The following NOTCH1 variants were observed in gnomAD, a reference collection of about 807,000 sequenced individuals.
NOTCH1 encodes neurogenic locus notch homolog protein 1.
Under a neutral mutation model 254.8 loss-of-function variants are expected in NOTCH1, and 37 were observed. The ratio of observed to expected loss-of-function variants is 0.15; its 90% CI spans 0.11 to 0.19. The LOEUF is 0.19. Ranked by LOEUF, NOTCH1 falls within the 10% of genes least tolerant of loss-of-function variation. The probability of loss-of-function intolerance (pLI) is 1.00; values close to 1 mark genes in which losing one functional copy is unlikely to be tolerated. For missense variants in NOTCH1, 2,972 were observed against 3,708.6 expected, an observed-to-expected ratio of 0.80 and a Z score of 5.16; for synonymous variants, 1,731 against 1,618.1, an observed-to-expected ratio of 1.07 and a Z score of -1.68.
In NOTCH1 at chr9:136,502,867, T is replaced by C. The variant is rs1843022371; in HGVS notation, c.5167+315A>G. 4.5e-5 allele frequency: 27 copies of C among 594,654 alleles called. No homozygotes were observed. The South Asian group carries it at 4.8e-4, about 11-fold the overall frequency. 36.8% of individuals were successfully genotyped at this position (594,654 alleles called of 1,614,324 possible). On this transcript the variant is annotated intron_variant, in intron 27 of 33. Coordinates refer to ENST00000651671, the MANE Select transcript of NOTCH1 (RefSeq NM_017617.5). ...CAATTCTTCTCTCTCTCTCTTTTTT[T>C]TTCTTTAAAAAAAGCCGTAATGATT...
In NOTCH1 at chr9:136,499,097, C is replaced by T. The variant is rs2133322412; in HGVS notation, c.6082+15G>A. ...CCCGCCCCACGACAGAGCAGCCGTG[C>T]CCCCGTGGGCTCACCCAGGTCATCT... On this transcript the variant is annotated intron_variant, in intron 32 of 33. Coordinates refer to ENST00000651671, the MANE Select transcript of NOTCH1 (RefSeq NM_017617.5). The T allele has an allele frequency of 1.9e-6, 3 of 1,612,882 alleles. No individual in the cohort carries two copies. The highest frequency in any genetic ancestry group is 2.2e-5 in the South Asian group (2 of 91,090).
chr9:136,514,913 G>A (rs1843238637), intron 12 of NOTCH1, among the ~76,000 whole-genome samples: 2 of 152,234 alleles, frequency 1.3e-5, no homozygotes, highest in African/African-American at 2.4e-5. Flanking sequence ...GGCCCCAGGG[G>A]CAGGGGCTAC....
intron 26 of NOTCH1, among the ~76,000 whole-genome samples, chr9:136,503,628 T>A (rs992595891): frequency 6.6e-6 from 1 of 152,096 alleles, no homozygotes; most frequent in African/African-American, 2.4e-5. Flanking sequence ...CGTTTCCTCA[T>A]CTCAGGACAG....
At chr9:136,541,244 A>T (rs1843728295) in intron 2 of NOTCH1, among the ~76,000 whole-genome samples, 1 of 152,128 alleles carries the variant, frequency 6.6e-6, no homozygotes, top group Admixed American at 6.5e-5. Context: ...CCTCCTGGGA[A>T]GGCATTTTGC....
chr9:136,507,230 G>A (rs1042843974), intron 22 of NOTCH1, 75 bp downstream of exon 22: 82 of 1,606,918 alleles, frequency 5.1e-5, no homozygotes, highest in Admixed American at 2.3e-4. Flanking sequence ...GCCTCTGGCC[G>A]GTCCCGGGGT....
At chr9:136,498,870 C>T (rs1842954996) in intron 33 of NOTCH1, 29 bp downstream of exon 33, 3 of 1,611,478 alleles carry the variant, frequency 1.9e-6, no homozygotes, top group East Asian at 4.5e-5. Flanking sequence ...GCCCTCACGT[C>T]TCCCCTGGCA....
rs376464587 is a variant in NOTCH1, at chr9:136,517,840, G to A, written c.1353C>T (p.Ile451=). The change falls in exon 8 of 34, where the codon ATC becomes ATT. Residue 451 remains isoleucine (I), a synonymous_variant. Transcript: ENST00000651671. ...GGTTCGAGACGCACTCGTTGACGTC[G>A]ATCTCGCATCGGGGGCCCGTGTAGC... ...LQGYTGPRCE[I]DVNECVSNPC... 44 of 1,612,576 alleles carry A rather than the reference G, an allele frequency of 2.7e-5. No homozygotes were observed. Among genetic ancestry groups the A allele is most frequent in the Non-Finnish European group, 3.4e-5 (40 of 1,179,952 alleles).
At position 136,505,848 on chromosome 9, in the gene NOTCH1, G is replaced by A. The variant is rs1419950789; in HGVS notation, c.4048C>T (p.Arg1350Cys). ...AGGCAGCGCAGGCTGCCGCAGGTAC[G>A]AGCGTCATTCTCACACGTGGCGCCC... is the stretch of plus-strand genomic sequence containing the variant. ...FEGATCENDA[R>C]TCGSLRCLNG... Residue 1350 changes from arginine to cysteine, a missense_variant, in exon 25 of 34, where the codon CGT (arginine) becomes TGT (cysteine). Coordinates refer to ENST00000651671, the MANE Select transcript of NOTCH1 (RefSeq NM_017617.5). The A allele has an allele frequency of 1.3e-6, 2 of 1,595,146 alleles. No homozygotes were observed. The highest frequency in any genetic ancestry group is 1.7e-6 in the Non-Finnish European group (2 of 1,177,902).
intron 2 of NOTCH1, among the ~76,000 whole-genome samples, chr9:136,533,901 C>T (rs992036533): frequency 1.3e-5 from 2 of 152,222 alleles, no homozygotes; most frequent in East Asian, 1.9e-4. Flanking sequence ...TGATGAGGCA[C>T]GAACGCATCT....
Position 136,523,791 on chromosome 9 carries a change from G to A in NOTCH1, c.329C>T (p.Pro110Leu), listed in dbSNP as rs1333041588. Residue 110 changes from proline to leucine, a missense_variant, in exon 3 of 34, where the codon CCC becomes CTC. Physicochemically the swap from Pro to Leu is moderately conservative, Grantham distance 98. Around this residue, in one of 8 missense-constraint regions of NOTCH1, gnomAD observed 374 missense variants for 496.3 expected, o/e 0.75. Transcript: ENST00000651671. ...GTCGCAGGTGCCCCCGTTGCGGCAG[G>A]GGTTGGTGAGGCAGGCATTGTCCAG... ...TPLDNACLTN[P>L]CRNGGTCDLL... 1.2e-6 allele frequency: 2 copies of A among 1,611,834 alleles called. No homozygotes were observed. The highest frequency in any genetic ancestry group is 4.5e-5 in the East Asian group (2 of 44,850).
intron 17 of NOTCH1, among the ~76,000 whole-genome samples, chr9:136,510,323 G>A (rs920825910): frequency 1.3e-5 from 2 of 152,228 alleles, no homozygotes; most frequent in African/African-American, 4.8e-5. Flanking sequence ...AAGCAGGGCT[G>A]GGAGGCCTGA....
intron 21 of NOTCH1, among the ~76,000 whole-genome samples, chr9:136,507,648 G>T (rs1006816875): frequency 1.3e-5 from 2 of 152,192 alleles, no homozygotes; most frequent in Non-Finnish European, 1.5e-5. Flanking sequence ...CCTGTTGGGG[G>T]TGGGTGGACC....
chr9:136,506,532 G>A lies in NOTCH1; in HGVS notation c.4009C>T (p.Pro1337Ser), dbSNP rs1843087862. ...CCCTGCACCCCTGCACCTACCGCAG[G>A]GCACTTGCAGATGAACCCGCGGGCG... Reference protein sequence around the residue: ...NTARGFICKCPAGFEGATCEN... With the variant: ...NTARGFICKCSAGFEGATCEN... Residue 1337 changes from proline to serine, a missense_variant, in exon 24 of 34, where the codon CCT (proline) becomes TCT (serine). By Grantham distance (74) the Pro-to-Ser change is moderately conservative. Around this residue, in one of 8 missense-constraint regions of NOTCH1, gnomAD observed 1,343 missense variants for 1,557.0 expected, o/e 0.86. Coordinates refer to ENST00000651671, the MANE Select transcript of NOTCH1 (RefSeq NM_017617.5). The surrounding 1 kb of genome is among the most constrained non-coding windows in gnomAD (Gnocchi z 4.5). 1.3e-6 allele frequency: 2 copies of A among 1,598,866 alleles called. No individual in the cohort carries two copies. The highest frequency in any genetic ancestry group is 1.7e-6 in the Non-Finnish European group (2 of 1,174,348).
Position 136,518,757 on chromosome 9 carries a change from G to C in NOTCH1, c.933C>G (p.Thr311=). ...TGTAGCCACCGTGGGTGTTGTGGCA[G>C]GTCCCGCCGTTCTGGCAGGCATTTG... The part of the protein sequence containing the change: ...LMPNACQNGG[T]CHNTHGGYNC... The change falls in exon 6 of 34, where the codon ACC becomes ACG. Residue 311 remains threonine, a synonymous_variant. Transcript: ENST00000651671. 1 of 1,609,616 alleles carries C rather than the reference G, an allele frequency of 6.2e-7. No individual in the cohort carries two copies.
chr9:136,508,525 C>A lies in NOTCH1; in HGVS notation c.3172-140G>T, dbSNP rs553800209. 9.1e-5 allele frequency: 107 copies of A among 1,181,694 alleles called. 1 individual carries two copies. In the South Asian group the frequency reaches 1.3e-3, roughly 14 times the overall value. The allele number at this position is 1,181,694 out of a possible 1,614,324, so 73.2% of individuals were successfully genotyped here. A position where few individuals can be genotyped will look rare whatever the true frequency, so the allele number is the denominator to read the frequency against. ...AAGTGGAAACTGCCGCCCCTGGACT[C>A]CCCACCACCCCCACACCAGGAACAG... On this transcript the variant is annotated intron_variant, in intron 19 of 33. Coordinates refer to ENST00000651671, the MANE Select transcript of NOTCH1 (RefSeq NM_017617.5).
chr9:136,496,383 C>A lies in NOTCH1; in HGVS notation c.7356G>T (p.Ala2452=), dbSNP rs781520893. 1.0e-5 allele frequency: 16 copies of A among 1,596,068 alleles called. No homozygotes were observed. In the African/African-American group the frequency reaches 2.1e-4, roughly 21 times the overall value. ...TCTCCTGGGGCAGAATAGTGTGCAC[C>A]GCCAGGCTGCTGGGGCCCAGTGGCT... ...DVQPLGPSSL[A]VHTILPQESP... Residue 2452 remains alanine (A), a synonymous_variant, in exon 34 of 34, where the codon GCG becomes GCT. Coordinates refer to ENST00000651671, the MANE Select transcript of NOTCH1 (RefSeq NM_017617.5).
At position 136,545,702 on chromosome 9, in the gene NOTCH1, G is replaced by A. The variant is rs1334356584; in HGVS notation, c.61+24C>T. The A allele has an allele frequency of 2.8e-6, 4 of 1,441,370 alleles. No individual in the cohort carries two copies. Among genetic ancestry groups the A allele is most frequent in the East Asian group, 3.1e-5 (1 of 32,364 alleles). The allele number at this position is 1,441,370 out of a possible 1,614,324, so 89.3% of individuals were successfully genotyped here. ...TTTCCAAAGGGCGCGGAAAGTGGGGGCTCGCGGGTGGGTGGGCGCCTACCT... is the reference window on the plus strand; with the variant it reads ...TTTCCAAAGGGCGCGGAAAGTGGGGACTCGCGGGTGGGTGGGCGCCTACCT... On this transcript the variant is annotated intron_variant, in intron 1 of 33. Transcript: ENST00000651671. The surrounding 1 kb of genome is among the most constrained non-coding windows in gnomAD (Gnocchi z 6.8).
chr9:136,502,405 C>T lies in NOTCH1; in HGVS notation c.5251G>A (p.Gly1751Ser). The change falls in exon 28 of 34, where the codon GGC becomes AGC. Residue 1751 changes from glycine to serine, a missense_variant. Around this residue, in one of 8 missense-constraint regions of NOTCH1, gnomAD observed 421 missense variants for 604.4 expected, o/e 0.70. Coordinates refer to ENST00000651671, the MANE Select transcript of NOTCH1 (RefSeq NM_017617.5). The part of the protein sequence containing the change: ...AAAFVLLFFV[G>S]CGVLLSRKRR... ...TTGCGGGACAGCAGCACCCCGCAGC[C>T]CACGAAGAACAGAAGCACAAAGGCG... The T allele has an allele frequency of 6.2e-7, 1 of 1,611,722 alleles. No individual in the cohort carries two copies. Among genetic ancestry groups the T allele is most frequent in the Non-Finnish European group, 8.5e-7 (1 of 1,179,584 alleles).
intron 13 of NOTCH1, among the ~76,000 whole-genome samples, 179 bp downstream of exon 13, chr9:136,514,331 C>A (rs940432747): frequency 5.9e-5 from 9 of 152,218 alleles, no homozygotes; most frequent in African/African-American, 1.9e-4. Context: ...TGGGTGTGGA[C>A]TGTAGTCTGA....
Sources: gnomAD v4.1 joint callset for allele counts (sites outside exome capture counted in the v4.1 genomes callset) on GRCh38, gnomAD v4.1.1 for gene constraint, gnomAD v4.1.1 regional missense constraint, Gnocchi (gnomAD v3.1) non-coding constraint, MANE v1.5 for transcripts, NCBI Gene and HGNC (gene_info 2026-07-23, HGNC 2026-07-21) for gene names.